Variants in EHMT1 observed in about 807,000 individuals in gnomAD.
EHMT1 encodes the protein histone-lysine N-methyltransferase EHMT1.
In EHMT1, 15 loss-of-function variants were observed where a neutral mutation model predicts 147.2. The observed-to-expected ratio is 0.10, with a 90% CI of 0.07 to 0.16. EHMT1 has a LOEUF of 0.16. EHMT1 is among the 10% of genes least tolerant of loss of function. The pLI is 1.00. For missense variants in EHMT1, 1,587 were observed against 1,772.4 expected (o/e 0.90, Z 1.88); for synonymous variants, 795 against 709.6 (o/e 1.12, Z -1.91).
chr9:137,817,778 G>A (rs758989593), intron 24 of EHMT1: 7 of 628,128 alleles, frequency 1.1e-5, no homozygotes, highest in Non-Finnish European at 1.7e-5. Flanking sequence ...GGTCCAGTTA[G>A]GAAGGCGTGG....
chr9:137,628,127 G>A (rs72765187), intron 1 of EHMT1, among the ~76,000 whole-genome samples: 5,921 of 152,274 alleles, frequency 0.039, 165 homozygotes, highest in Non-Finnish European at 0.06. Context: ...AGTTTTGCCC[G>A]CATTCCCCTT....
intron 15 of EHMT1, among the ~76,000 whole-genome samples, chr9:137,790,456 A>G (rs1384652630): frequency 6.6e-6 from 1 of 152,128 alleles, no homozygotes; most frequent in Non-Finnish European, 1.5e-5. Flanking sequence ...CAGTGAGAGG[A>G]TGCTGTGTGG....
chr9:137,748,418 G>T (rs1271665678), intron 6 of EHMT1, among the ~76,000 whole-genome samples: 1 of 152,224 alleles, frequency 6.6e-6, no homozygotes, highest in Admixed American at 6.5e-5. Flanking sequence ...ACTGTGGATG[G>T]CCTGTGGGTG....
chr9:137,626,046 T>C (rs1253167148), intron 1 of EHMT1, among the ~76,000 whole-genome samples: 1 of 149,352 alleles, frequency 6.7e-6, no homozygotes, highest in African/African-American at 2.5e-5. Flanking sequence ...TTTTTTTTTT[T>C]AGTAGAGTTG....
intron 1 of EHMT1, among the ~76,000 whole-genome samples, chr9:137,701,607 C>T (rs1273945719): frequency 1.1e-4 from 16 of 148,698 alleles, no homozygotes; most frequent in Non-Finnish European, 1.9e-4. Context: ...TACAGGTGGG[C>T]GCCACCATGC....
rs186945954 is a variant in EHMT1 at position 137,711,486 on chromosome 9, G to A, written c.85+456G>A. On this transcript the variant is annotated intron_variant, in intron 2 of 26. Transcript: ENST00000460843. ...CGCGCCATGGATGAAGCTTTTGTAC[G>A]GTTTGTTAAGTGAAGGAGGCCAGAC... is the stretch of plus-strand genomic sequence containing the variant. 8.9e-4 allele frequency among the ~76,000 whole-genome samples: 136 copies of A among 152,214 alleles called. 1 individual carries two copies. Among genetic ancestry groups the A allele is most frequent in the Admixed American group, 7.9e-3 (121 of 15,278 alleles).
At chr9:137,804,996 ATG>A (rs1953812084) in intron 18 of EHMT1, among the ~76,000 whole-genome samples, 2 of 151,674 alleles carry the variant, frequency 1.3e-5, no homozygotes, top group Admixed American at 1.3e-4. Flanking sequence ...GTGTGTCCAC[ATG>A]TGTCAGTTGT....
At chr9:137,743,198 G>A (rs1045079726) in intron 4 of EHMT1, 173 bp from the exon 5 acceptor site, 1 of 673,862 alleles carries the variant, frequency 1.5e-6, no homozygotes, top group Non-Finnish European at 2.5e-6. Context: ...TGATCGTGAG[G>A]GAAGGATGCC....
intron 8 of EHMT1, among the ~76,000 whole-genome samples, chr9:137,754,676 C>A (rs1185008114): frequency 6.6e-6 from 1 of 152,084 alleles, no homozygotes; most frequent in Non-Finnish European, 1.5e-5. Flanking sequence ...TCATGCCCAG[C>A]TTATTTTTTT....
intron 1 of EHMT1, 149 bp from the exon 2 acceptor site, chr9:137,710,818 T>G (rs1461813599): frequency 2.6e-6 from 2 of 766,272 alleles, no homozygotes; most frequent in African/African-American, 3.5e-5. Context: ...TGGAGGCGAC[T>G]GTAACCAGCT....
chr9:137,766,611 TCACAAA>T (rs1031437897), intron 10 of EHMT1, among the ~76,000 whole-genome samples: 5 of 152,314 alleles, frequency 3.3e-5, no homozygotes, highest in African/African-American at 1.2e-4. Flanking sequence ...TGAGACTCCG[TCACAAA>T]AACAAAAACA....
rs1354748847 is a variant in EHMT1 at position 137,636,849 on chromosome 9, CCT to C, written c.21+17803_21+17804del. ...GTGGTATTATGTTGGTCTGTAGGTA[CCT>C]CTTTTTAAAAAAAATTTATTATTTT... On this transcript the variant is annotated intron_variant, in intron 1 of 26. Coordinates refer to ENST00000460843, the MANE Select transcript of EHMT1 (RefSeq NM_024757.5). 8.0e-5 allele frequency among the ~76,000 whole-genome samples: 12 copies of C among 150,486 alleles called. No individual in the cohort carries two copies. The South Asian group carries it at 2.5e-3, about 32-fold the overall frequency.
At chr9:137,636,074 A>G (rs1844052804) in intron 1 of EHMT1, among the ~76,000 whole-genome samples, 1 of 151,474 alleles carries the variant, frequency 6.6e-6, no homozygotes, top group Admixed American at 6.6e-5. Context: ...GGTGCATGCC[A>G]CCACGCCTTG....
chr9:137,781,200 C>CCGAGACGTGTGG (rs1564748716), intron 14 of EHMT1, among the ~76,000 whole-genome samples: 1 of 96,584 alleles, frequency 1.0e-5, no homozygotes, highest in Non-Finnish European at 1.8e-5. Context: ...GGTGACGACG[C>CCGAGACGTGTGG]TGAGACGTGT....
intron 1 of EHMT1, among the ~76,000 whole-genome samples, chr9:137,644,773 T>C (rs1421959963): frequency 2.0e-5 from 3 of 152,236 alleles, no homozygotes; most frequent in African/African-American, 4.8e-5. Context: ...ACCTTGTCTT[T>C]TGATGTAACA....
At chr9:137,758,309 G>A (rs1949539449) in intron 9 of EHMT1, among the ~76,000 whole-genome samples, 1 of 152,234 alleles carries the variant, frequency 6.6e-6, no homozygotes, top group Non-Finnish European at 1.5e-5. Flanking sequence ...ATTGCCCACG[G>A]CCAGACGCCC....
At chr9:137,742,774 T>G (rs953610576) in intron 4 of EHMT1, among the ~76,000 whole-genome samples, 3 of 152,160 alleles carry the variant, frequency 2.0e-5, no homozygotes, top group Non-Finnish European at 2.9e-5. Flanking sequence ...GTCACTGGAT[T>G]GCAGCGCAAG....
chr9:137,765,887 G>A (rs1033686531), intron 10 of EHMT1, among the ~76,000 whole-genome samples: 1 of 152,086 alleles, frequency 6.6e-6, no homozygotes, highest in Non-Finnish European at 1.5e-5. Flanking sequence ...AACCCAGGCT[G>A]TTGGAAGCTT....
chr9:137,811,904 G>C (rs560135580), intron 19 of EHMT1, among the ~76,000 whole-genome samples: 2 of 152,350 alleles, frequency 1.3e-5, no homozygotes, highest in South Asian at 2.1e-4. Context: ...GGCAGCATGG[G>C]AACAGCCCTG....
Sources: gnomAD v4.1 joint callset for allele counts (sites outside exome capture counted in the v4.1 genomes callset) on GRCh38, gnomAD v4.1.1 for gene constraint, MANE v1.5 for transcripts, NCBI Gene and HGNC (gene_info 2026-07-23, HGNC 2026-07-21) for gene names.